The following SPOCK3 variants were observed in gnomAD, a reference collection of about 807,000 sequenced individuals.
The protein encoded by SPOCK3 is testican-3.
SPOCK3 carries 30 observed loss-of-function variants against 56.6 expected under a neutral mutation model. The observed-to-expected ratio is 0.53, with a 90% CI of 0.40 to 0.72. SPOCK3 has a LOEUF of 0.72. Ranked by LOEUF, SPOCK3 falls within the 30% of genes least tolerant of loss-of-function variation. The pLI is 0.00. For missense variants in SPOCK3, 527 were observed against 530.0 expected, an observed-to-expected ratio of 0.99 and a Z score of 0.06; for synonymous variants, 196 against 183.3, an observed-to-expected ratio of 1.07 and a Z score of -0.56.
At chr4:166,736,850 A>G (rs1734264782) in intron 10 of SPOCK3, among the ~76,000 whole-genome samples, 1 of 152,086 alleles carries the variant, frequency 6.6e-6, no homozygotes, top group Non-Finnish European at 1.5e-5. Flanking sequence ...TTTAAAATGC[A>G]TGTATGTTAT....
intron 4 of SPOCK3, among the ~76,000 whole-genome samples, chr4:166,962,163 G>A (rs1744213951): frequency 6.6e-6 from 1 of 152,094 alleles, no homozygotes; most frequent in Admixed American, 6.6e-5. Context: ...AATAATCCAT[G>A]AAATTTAACA....
chr4:166,893,761 C>T (rs75243766), intron 5 of SPOCK3, among the ~76,000 whole-genome samples: 2 of 151,974 alleles, frequency 1.3e-5, no homozygotes, highest in Non-Finnish European at 2.9e-5. Context: ...CTTTTTTATT[C>T]CCCATTTTAA....
At chr4:167,038,109 AG>A (rs745879461) in intron 3 of SPOCK3, among the ~76,000 whole-genome samples, 4 of 152,168 alleles carry the variant, frequency 2.6e-5, no homozygotes, top group Non-Finnish European at 5.9e-5. Flanking sequence ...GCTACAAAAT[AG>A]TCACTGCATT....
At chr4:166,955,628 T>C (rs927980255) in intron 4 of SPOCK3, among the ~76,000 whole-genome samples, 3 of 146,150 alleles carry the variant, frequency 2.1e-5, no homozygotes, top group Non-Finnish European at 4.5e-5. Context: ...TTAATATAAT[T>C]TAATTATATT....
intron 2 of SPOCK3, among the ~76,000 whole-genome samples, chr4:167,100,584 C>G (rs1759556720): frequency 6.6e-6 from 1 of 151,926 alleles, no homozygotes; most frequent in Non-Finnish European, 1.5e-5. Context: ...CATCTTATCC[C>G]TTCTGCATTA....
intron 2 of SPOCK3, among the ~76,000 whole-genome samples, chr4:167,078,308 CTG>C (rs3082377): frequency 0.053 from 5,510 of 104,748 alleles, 154 homozygotes; most frequent in East Asian, 0.12. Flanking sequence ...GGTCATAACT[CTG>C]TGTGTGTGTG....
At chr4:166,783,456 T>C (rs1579213978) in intron 7 of SPOCK3, among the ~76,000 whole-genome samples, 1 of 152,134 alleles carries the variant, frequency 6.6e-6, no homozygotes, top group Non-Finnish European at 1.5e-5. Flanking sequence ...TGAAAAGATA[T>C]TCTCTTAATA....
chr4:167,052,745 A>G lies in SPOCK3; in HGVS notation c.235+9747T>C, dbSNP rs373582555. The stretch of plus-strand genomic sequence containing the variant: ...TTTCTATTGTTTCAGAATACTGTCA[A>G]TAAATGTCATCTGAAAGCATAAAAA... On this transcript the variant is annotated intron_variant, in intron 3 of 10. Coordinates refer to ENST00000357545, the MANE Select transcript of SPOCK3 (RefSeq NM_001040159.2). 4.0e-4 allele frequency among the ~76,000 whole-genome samples: 61 copies of G among 152,352 alleles called. 1 individual carries two copies. In the East Asian group the frequency reaches 9.3e-3, roughly 23 times the overall value.
intron 6 of SPOCK3, among the ~76,000 whole-genome samples, chr4:166,803,567 G>A (rs1290121075): frequency 1.3e-5 from 2 of 152,170 alleles, no homozygotes; most frequent in African/African-American, 4.8e-5. Flanking sequence ...GTTGGAATAT[G>A]TAATGTCCTG....
At chr4:166,841,033 C>G (rs368432808) in intron 6 of SPOCK3, among the ~76,000 whole-genome samples, 2 of 152,014 alleles carry the variant, frequency 1.3e-5, no homozygotes, top group African/African-American at 4.8e-5. Flanking sequence ...CAGCCTCAGC[C>G]TCCCAAAGAG....
chr4:166,896,147 G>A (rs866374897), intron 5 of SPOCK3, among the ~76,000 whole-genome samples: 3 of 152,124 alleles, frequency 2.0e-5, no homozygotes, highest in Non-Finnish European at 4.4e-5. Flanking sequence ...AGGATAAAGT[G>A]AAACAGAGAG....
chr4:166,801,015 C>T (rs1474371827), intron 6 of SPOCK3, among the ~76,000 whole-genome samples: 1 of 152,142 alleles, frequency 6.6e-6, no homozygotes, highest in Non-Finnish European at 1.5e-5. Flanking sequence ...CGAATACTTA[C>T]CATTGTGTTA....
At chr4:167,160,801 A>G (rs558665886) in intron 2 of SPOCK3, among the ~76,000 whole-genome samples, 1 of 152,182 alleles carries the variant, frequency 6.6e-6, no homozygotes, top group Non-Finnish European at 1.5e-5. Flanking sequence ...AGGACTCCCT[A>G]TTTAATAAAT....
At chr4:167,190,062 G>A (rs1220079610) in intron 2 of SPOCK3, among the ~76,000 whole-genome samples, 1 of 145,856 alleles carries the variant, frequency 6.9e-6, no homozygotes, top group Non-Finnish European at 1.5e-5. Context: ...CATCTATTGT[G>A]AATAATGCTG....
intron 4 of SPOCK3, among the ~76,000 whole-genome samples, chr4:166,979,213 C>G (rs910775360): frequency 6.6e-6 from 1 of 152,072 alleles, no homozygotes; most frequent in Non-Finnish European, 1.5e-5. Context: ...CTCTTCCTAC[C>G]CAGAGTAAGC....
chr4:167,113,518 T>C (rs911253431), intron 2 of SPOCK3, among the ~76,000 whole-genome samples: 4 of 151,972 alleles, frequency 2.6e-5, no homozygotes, highest in African/African-American at 9.7e-5. Flanking sequence ...AGAATAGGAA[T>C]AAGAATGGGT....
chr4:167,162,127 AC>A (rs1420591698), intron 2 of SPOCK3, among the ~76,000 whole-genome samples: 4 of 152,016 alleles, frequency 2.6e-5, no homozygotes, highest in African/African-American at 4.8e-5. Flanking sequence ...ATTAGGTCAT[AC>A]CCTTTTGTCT....
At chr4:167,225,694 G>A (rs1736526716) in intron 2 of SPOCK3, among the ~76,000 whole-genome samples, 1 of 151,858 alleles carries the variant, frequency 6.6e-6, no homozygotes, top group Non-Finnish European at 1.5e-5. Flanking sequence ...AAACCTGATA[G>A]ACAGTGCAAC....
At chr4:166,737,633 C>G in intron 9 of SPOCK3, 29 bp from the exon 10 acceptor site, 1 of 1,591,542 alleles carries the variant, frequency 6.3e-7, no homozygotes, top group African/African-American at 1.3e-5. Flanking sequence ...GGCATACAAA[C>G]ACACACATGT....
Sources: gnomAD v4.1 joint callset for allele counts (sites outside exome capture counted in the v4.1 genomes callset) on GRCh38, gnomAD v4.1.1 for gene constraint, MANE v1.5 for transcripts, NCBI Gene and HGNC (gene_info 2026-07-23, HGNC 2026-07-21) for gene names.